NPC1L1: variants seen among roughly 807,000 people sequenced by gnomAD.
NPC1L1 encodes NPC1 like intracellular cholesterol transporter 1.
Under a neutral mutation model 117.0 loss-of-function variants are expected in NPC1L1, and 98 were observed. The observed-to-expected ratio is 0.84, with a 90% CI of 0.71 to 0.99. The LOEUF is 0.99. Among genes scored for constraint, NPC1L1 ranks in the 50% least tolerant of loss-of-function variants. The pLI, the probability that NPC1L1 is intolerant of heterozygous loss-of-function variation, is 0.00. For synonymous variants in NPC1L1, 729 were observed against 727.6 expected (o/e 1.00, Z -0.03); for missense variants, 1,540 against 1,710.0 (o/e 0.90, Z 1.75).
In NPC1L1 at chr7:44,516,277, A is replaced by G. The variant is rs559001657; in HGVS notation, c.3520-80T>C. Reference sequence around the variant, plus strand: ...GGGAGATGAGGCCTCCACCAGGACCAGCGTGGGGCAGGCATCTAGATTCTA... The same window carrying G: ...GGGAGATGAGGCCTCCACCAGGACCGGCGTGGGGCAGGCATCTAGATTCTA... On this transcript the variant is annotated intron_variant, in intron 16 of 18. Coordinates refer to ENST00000381160, the MANE Select transcript of NPC1L1 (RefSeq NM_001101648.2). 5.5e-5 allele frequency: 65 copies of G among 1,177,040 alleles called. 1 individual carries two copies. The South Asian group carries it at 7.6e-4, about 14-fold the overall frequency. 72.9% of individuals were successfully genotyped at this position (1,177,040 alleles called of 1,614,324 possible).
chr7:44,518,181 T>C (rs1337558037), intron 14 of NPC1L1, among the ~76,000 whole-genome samples: 3 of 152,146 alleles, frequency 2.0e-5, no homozygotes, highest in African/African-American at 7.2e-5. Context: ...TGTTCTTGTT[T>C]TTGTTTTCGA....
In NPC1L1 at chr7:44,539,654, C is replaced by A; in HGVS notation, c.743G>T (p.Gly248Val). Residue 248 changes from glycine (G) to valine (V), a missense_variant, in exon 2 of 19, where the codon GGT becomes GTT. Physicochemically the swap from Gly to Val is moderately radical, Grantham distance 109. Transcript: ENST00000381160. This position sits in a 1 kb window ranked among gnomAD's most constrained non-coding sequence, Gnocchi z 4.4. ...EGVARCNESQGDDVATCSCQD... is the reference protein window; with the variant it reads ...EGVARCNESQVDDVATCSCQD... Reference sequence around the variant, plus strand: ...GCAGGAGCAGGTCGCCACGTCGTCACCTTGGGACTCATTGCAACGTGCAAC... The same window carrying A: ...GCAGGAGCAGGTCGCCACGTCGTCAACTTGGGACTCATTGCAACGTGCAAC... 1.2e-6 allele frequency: 2 copies of A among 1,613,898 alleles called. No homozygotes were observed. Among genetic ancestry groups the A allele is most frequent in the South Asian group, 1.1e-5 (1 of 91,082 alleles).
intron 15 of NPC1L1, 33 bp from the exon 16 acceptor site, chr7:44,516,967 G>A: frequency 1.9e-6 from 3 of 1,591,098 alleles, no homozygotes; most frequent in Non-Finnish European, 2.6e-6. Flanking sequence ...CACAGGCTCA[G>A]GCCTCTGGGG....
Position 44,538,515 on chromosome 7 carries a change from G to C in NPC1L1, c.1580+302C>G, listed in dbSNP as rs1308688848. Among the ~76,000 whole-genome samples, 1 of 152,256 alleles carries C rather than the reference G, an allele frequency of 6.6e-6. No individual in the cohort carries two copies. The highest frequency in any genetic ancestry group is 6.5e-5 in the Admixed American group (1 of 15,288). ...GGCTCCTCTGTCAGACTTAAAGCAAGAGTGTGGCAGGGAGCTCCCACATGT... is the reference window on the plus strand; with the variant it reads ...GGCTCCTCTGTCAGACTTAAAGCAACAGTGTGGCAGGGAGCTCCCACATGT... On this transcript the variant is annotated intron_variant, in intron 2 of 18. Transcript: ENST00000381160. The surrounding 1 kb of genome is among the most constrained non-coding windows in gnomAD (Gnocchi z 5.9).
intron 2 of NPC1L1, among the ~76,000 whole-genome samples, chr7:44,537,563 G>A (rs1030212337): frequency 3.4e-4 from 51 of 152,158 alleles, no homozygotes; most frequent in African/African-American, 1.0e-3. Context: ...TGCAAAGCCC[G>A]TCATTGCGAA....
chr7:44,535,542 G>A lies in NPC1L1; in HGVS notation c.1983+298C>T, dbSNP rs563387066. Among the ~76,000 whole-genome samples, 7 of 150,562 alleles carry A rather than the reference G, an allele frequency of 4.6e-5. No individual in the cohort carries two copies. In the South Asian group the frequency reaches 1.3e-3, roughly 27 times the overall value. On this transcript the variant is annotated intron_variant, in intron 5 of 18. Transcript: ENST00000381160. ...AAGACCCTGTCTCAAAAGAAAGAAA[G>A]AGAGAAAAAGAGAAACAGAGAGAGA...
rs757842457 is a variant in NPC1L1 at position 44,539,973 on chromosome 7, C to T, written c.424G>A (p.Val142Met). 17 of 1,614,092 alleles carry T rather than the reference C, an allele frequency of 1.1e-5. No individual in the cohort carries two copies. The highest frequency in any genetic ancestry group is 3.3e-5 in the Admixed American group (2 of 60,002). The change falls in exon 2 of 19, where the codon GTG becomes ATG. Residue 142 changes from valine (V) to methionine (M), a missense_variant. By Grantham distance (21) the Val-to-Met change is conservative. This residue lies in a region of NPC1L1 where 793 missense variants were observed against 820.4 expected (regional missense o/e 0.97). Coordinates refer to ENST00000381160, the MANE Select transcript of NPC1L1 (RefSeq NM_001101648.2). This position sits in a 1 kb window ranked among gnomAD's most constrained non-coding sequence, Gnocchi z 4.4. ...AGTTGTCCAGCCCCTAGCTGGGCCACGCGGGTCACATTGATGAAGAGGCTC... is the reference window on the plus strand; with the variant it reads ...AGTTGTCCAGCCCCTAGCTGGGCCATGCGGGTCACATTGATGAAGAGGCTC... Reference protein sequence around the residue: ...NQSLFINVTRVAQLGAGQLPA... With the variant: ...NQSLFINVTRMAQLGAGQLPA...
Position 44,532,058 on chromosome 7 carries a change from G to T in NPC1L1, c.2547+22C>A, listed in dbSNP as rs55837134. The T allele has an allele frequency of 2.8e-5, 45 of 1,614,024 alleles. 1 individual carries two copies. The African/African-American group carries it at 3.3e-4, about 12-fold the overall frequency. ...GTCCCCACCTAGTGCCCCTGCTCTCGTGTGGTTCGAGGCCCACTCACCACA... is the reference window on the plus strand; with the variant it reads ...GTCCCCACCTAGTGCCCCTGCTCTCTTGTGGTTCGAGGCCCACTCACCACA... On this transcript the variant is annotated intron_variant, in intron 9 of 18. Transcript: ENST00000381160.
intron 10 of NPC1L1, among the ~76,000 whole-genome samples, chr7:44,531,384 G>A (rs151287914): frequency 1.7e-3 from 264 of 152,300 alleles, no homozygotes; most frequent in African/African-American, 5.7e-3. Flanking sequence ...CTCCAACCAC[G>A]GGGCTTTCCT....
chr7:44,531,711 C>T (rs1368313168), intron 10 of NPC1L1, 44 bp downstream of exon 10: 2 of 1,531,892 alleles, frequency 1.3e-6, no homozygotes, highest in African/African-American at 2.8e-5. Flanking sequence ...ACTGCCCCTC[C>T]CCAAATCCCA....
chr7:44,528,928 A>G (rs1023569774), intron 10 of NPC1L1, among the ~76,000 whole-genome samples: 6 of 151,930 alleles, frequency 3.9e-5, no homozygotes, highest in African/African-American at 1.2e-4. Context: ...AAAATTAGCC[A>G]GGCATGGTGG....
rs753052274 is a variant in NPC1L1, at chr7:44,522,238, G to A, written c.2642C>T (p.Ser881Leu). The A allele has an allele frequency of 1.5e-5, 24 of 1,612,010 alleles. No individual in the cohort carries two copies. Among genetic ancestry groups the A allele is most frequent in the Admixed American group, 6.7e-5 (4 of 59,766 alleles). ...LDQELALPKD[S>L]YLLDYFLFLN... is the part of the protein sequence containing the mutation. ...AAAGAGGAAATAGTCAAGCAGGTAC[G>A]AGTCCTAGGAGTGGAGGAGGGTCAG... is the stretch of plus-strand genomic sequence containing the variant. Residue 881 changes from serine to leucine, a missense_variant, in exon 11 of 19, where the codon TCG becomes TTG. By Grantham distance (145) the Ser-to-Leu change is moderately radical (BLOSUM62 -2). Coordinates refer to ENST00000381160, the MANE Select transcript of NPC1L1 (RefSeq NM_001101648.2).
chr7:44,522,002 G>T (rs1422990443), intron 11 of NPC1L1, 50 bp downstream of exon 11: 7 of 1,603,250 alleles, frequency 4.4e-6, no homozygotes, highest in African/African-American at 1.3e-5. Context: ...GAGGACTGGA[G>T]GGACTCAAAC....
In NPC1L1 at chr7:44,536,483, C is replaced by G; in HGVS notation, c.1682-55G>C. Reference sequence around the variant, plus strand: ...GCTGCACCCGTGCCTCCCTCCCCCTCCAGCTGCACCCCTATATTCCCTCCC... The same window carrying G: ...GCTGCACCCGTGCCTCCCTCCCCCTGCAGCTGCACCCCTATATTCCCTCCC... On this transcript the variant is annotated intron_variant, in intron 3 of 18. Coordinates refer to ENST00000381160, the MANE Select transcript of NPC1L1 (RefSeq NM_001101648.2). The surrounding 1 kb of genome is among the most constrained non-coding windows in gnomAD (Gnocchi z 4.7). 6.3e-7 allele frequency: 1 copy of G among 1,579,072 alleles called. No individual in the cohort carries two copies. Among genetic ancestry groups the G allele is most frequent in the African/African-American group, 1.3e-5 (1 of 74,452 alleles).
chr7:44,512,943 C>A lies in NPC1L1; in HGVS notation c.*504G>T, dbSNP rs533932206. 5.0e-4 allele frequency: 94 copies of A among 187,148 alleles called. No homozygotes were observed. The highest frequency in any genetic ancestry group is 2.1e-3 in the African/African-American group (90 of 42,754). The allele number at this position is 187,148 out of a possible 1,614,324, so 11.6% of individuals were successfully genotyped here. ...CGCCCTGGAGGGAGTGGCTGCCGAC[C>A]GGCCTCCCACAGCGTTGGCTCTTGG... On this transcript the variant is annotated 3_prime_UTR_variant, in exon 19 of 19. Coordinates refer to ENST00000381160, the MANE Select transcript of NPC1L1 (RefSeq NM_001101648.2).
chr7:44,533,719 G>A lies in NPC1L1; in HGVS notation c.2281+20C>T. 3.1e-6 allele frequency: 5 copies of A among 1,612,066 alleles called. No homozygotes were observed. Among genetic ancestry groups the A allele is most frequent in the Non-Finnish European group, 4.2e-6 (5 of 1,178,350 alleles). ...CCCAGCAAGCCTAATGCCGAGTGGG[G>A]AGGTCTCACCCAGGCTCACCTAGGA... On this transcript the variant is annotated intron_variant, in intron 7 of 18. Coordinates refer to ENST00000381160, the MANE Select transcript of NPC1L1 (RefSeq NM_001101648.2).
In NPC1L1 at chr7:44,539,392, G is replaced by T. The variant is rs745744975; in HGVS notation, c.1005C>A (p.Thr335=). ...AGCCCTGGAAGAACTGGCCAAGGAGGGTGTGGGTGGAGAAGCTGAGCTTGT... is the reference window on the plus strand; with the variant it reads ...AGCCCTGGAAGAACTGGCCAAGGAGTGTGTGGGTGGAGAAGCTGAGCTTGT... The part of the protein sequence containing the change: ...LSDKLSFSTH[T]LLGQFFQGWG... Residue 335 remains threonine, a synonymous_variant, in exon 2 of 19, where the codon ACC becomes ACA. Coordinates refer to ENST00000381160, the MANE Select transcript of NPC1L1 (RefSeq NM_001101648.2). The surrounding 1 kb of genome is among the most constrained non-coding windows in gnomAD (Gnocchi z 4.4). The T allele has an allele frequency of 1.5e-5, 25 of 1,613,944 alleles. No individual in the cohort carries two copies. The African/African-American group carries it at 1.7e-4, about 11-fold the overall frequency.
chr7:44,537,021 C>A, intron 2 of NPC1L1, 79 bp from the exon 3 acceptor site: 7 of 1,175,002 alleles, frequency 6.0e-6, no homozygotes, highest in Non-Finnish European at 8.5e-6. Flanking sequence ...TCCCCTCCCA[C>A]CCCAGACCCA....
At position 44,516,801 on chromosome 7, in the gene NPC1L1, TGAG is replaced by T; in HGVS notation, c.3418_3420del (p.Leu1140del). 2.5e-6 allele frequency: 4 copies of T among 1,613,856 alleles called. No individual in the cohort carries two copies. The South Asian group carries it at 4.4e-5, about 18-fold the overall frequency. On this transcript the variant is annotated inframe_deletion, in exon 16 of 19. Transcript: ENST00000381160. ...AGGATCATGACAATGGAGAGCAGGT[TGAG>T]GAGGCCGGAGCGCAGGTCCAGGCCC...
Sources: gnomAD v4.1 joint callset for allele counts (sites outside exome capture counted in the v4.1 genomes callset) on GRCh38, gnomAD v4.1.1 for gene constraint, gnomAD v4.1.1 regional missense constraint, Gnocchi (gnomAD v3.1) non-coding constraint, MANE v1.5 for transcripts, NCBI Gene and HGNC (gene_info 2026-07-23, HGNC 2026-07-21) for gene names.